PITPNB: variants seen among roughly 807,000 people sequenced by gnomAD.
The protein encoded by PITPNB is phosphatidylinositol transfer protein beta isoform.
PITPNB carries 16 observed loss-of-function variants against 45.9 expected under a neutral mutation model. The ratio of observed to expected loss-of-function variants is 0.35; its 90% confidence interval spans 0.24 to 0.53. The LOEUF is 0.53. PITPNB is among the 20% of genes least tolerant of loss of function. PITPNB has a pLI of 0.93. For synonymous variants in PITPNB, 112 were observed against 108.9 expected, an observed-to-expected ratio of 1.03 and a Z score of -0.18; for missense variants, 188 against 330.5, an observed-to-expected ratio of 0.57 and a Z score of 3.34.
chr22:27,860,332 A>T, intron 8 of PITPNB, 91 bp from the exon 9 acceptor site: 1 of 700,334 alleles, frequency 1.4e-6, no homozygotes, highest in South Asian at 2.0e-5. Context: ...TCATAGACAT[A>T]CATGAAGAAA....
intron 8 of PITPNB, among the ~76,000 whole-genome samples, chr22:27,872,972 T>C (rs1934711254): frequency 6.6e-6 from 1 of 152,192 alleles, no homozygotes; most frequent in Non-Finnish European, 1.5e-5. Flanking sequence ...GCACTTTATT[T>C]AAAAACAACT....
At chr22:27,860,768 A>G (rs1934303862) in intron 8 of PITPNB, among the ~76,000 whole-genome samples, 1 of 152,250 alleles carries the variant, frequency 6.6e-6, no homozygotes, top group African/African-American at 2.4e-5. Flanking sequence ...AAATATTTGG[A>G]GGTAAATCCT....
At chr22:27,897,262 TTTAG>T (rs1935462764) in intron 4 of PITPNB, 125 bp from the exon 5 acceptor site, 1 of 760,070 alleles carries the variant, frequency 1.3e-6, no homozygotes, top group Non-Finnish European at 2.4e-6. Context: ...AGAACATTTA[TTTAG>T]TAATTTATGT....
At chr22:27,861,046 AAAG>A (rs1015993213) in intron 8 of PITPNB, among the ~76,000 whole-genome samples, 1 of 149,222 alleles carries the variant, frequency 6.7e-6, no homozygotes, top group African/African-American at 2.5e-5. Context: ...AAAAAAAAAA[AAAG>A]GCTGGGCACA....
At chr22:27,881,059 A>T (rs1376251202) in intron 7 of PITPNB, among the ~76,000 whole-genome samples, 1 of 152,234 alleles carries the variant, frequency 6.6e-6, no homozygotes, top group Non-Finnish European at 1.5e-5. Context: ...AAATGATCTG[A>T]AAGTGTGTGA....
chr22:27,899,806 A>T (rs1192384549), intron 3 of PITPNB, among the ~76,000 whole-genome samples: 1 of 152,230 alleles, frequency 6.6e-6, no homozygotes, highest in Non-Finnish European at 1.5e-5. Context: ...TCAGGGTACA[A>T]TGGAACACAT....
chr22:27,901,870 G>A (rs1333101551), intron 3 of PITPNB, among the ~76,000 whole-genome samples: 1 of 151,992 alleles, frequency 6.6e-6, no homozygotes, highest in Non-Finnish European at 1.5e-5. Context: ...GGGACACAGT[G>A]AGACTGTGTC....
intron 8 of PITPNB, among the ~76,000 whole-genome samples, chr22:27,862,008 G>T (rs1395419726): frequency 6.6e-6 from 1 of 152,080 alleles, no homozygotes; most frequent in African/African-American, 2.4e-5. Context: ...TGAGTCAAAG[G>T]CCAAAGCTGC....
chr22:27,868,026 G>A (rs1934534824), intron 8 of PITPNB, among the ~76,000 whole-genome samples: 1 of 152,010 alleles, frequency 6.6e-6, no homozygotes, highest in African/African-American at 2.4e-5. Context: ...CATGCTTGAA[G>A]GTCTGCTTTA....
At chr22:27,904,885 T>C (rs1935711752) in intron 3 of PITPNB, among the ~76,000 whole-genome samples, 1 of 151,884 alleles carries the variant, frequency 6.6e-6, no homozygotes, top group Non-Finnish European at 1.5e-5. Flanking sequence ...TCCTGGAGAA[T>C]TACAAAAAAC....
chr22:27,884,235 A>G (rs1394153557), intron 7 of PITPNB, among the ~76,000 whole-genome samples: 2 of 152,228 alleles, frequency 1.3e-5, no homozygotes, highest in Non-Finnish European at 2.9e-5. Context: ...GGACATCTGC[A>G]AATGAGGAAA....
At position 27,852,825 on chromosome 22, in the gene PITPNB, T is replaced by C. The variant is rs1338994596; in HGVS notation, c.*877A>G. On this transcript the variant is annotated 3_prime_UTR_variant, in exon 12 of 12. Coordinates refer to ENST00000335272, the MANE Select transcript of PITPNB (RefSeq NM_012399.5). ...CTATTAAGACTAATTTCTTCATCAA[T>C]GTGTTTGTCTAACAGGAGCCTGAAA... The C allele has an allele frequency of 2.6e-5, 4 of 152,684 alleles. No individual in the cohort carries two copies. Among genetic ancestry groups the C allele is most frequent in the Non-Finnish European group, 5.9e-5 (4 of 68,046 alleles). The allele number at this position is 152,684 out of a possible 1,614,324, so 9.5% of individuals were successfully genotyped here.
intron 3 of PITPNB, among the ~76,000 whole-genome samples, chr22:27,909,863 T>C (rs957140348): frequency 3.3e-5 from 5 of 151,966 alleles, no homozygotes; most frequent in African/African-American, 9.7e-5. Context: ...CACTGCAACC[T>C]CTAACTCCTG....
At chr22:27,908,148 C>CCTA (rs1935817860) in intron 3 of PITPNB, among the ~76,000 whole-genome samples, 1 of 151,686 alleles carries the variant, frequency 6.6e-6, no homozygotes, top group South Asian at 2.1e-4. Flanking sequence ...TGGAGTGTTA[C>CCTA]CTAAATCAAC....
chr22:27,918,981 G>C, intron 1 of PITPNB, 191 bp downstream of exon 1: 2 of 804,016 alleles, frequency 2.5e-6, no homozygotes, highest in Non-Finnish European at 4.2e-6. Context: ...GTGTTACCAC[G>C]GCAATGCCTG....
At chr22:27,906,989 T>TTATA (rs1281401979) in intron 3 of PITPNB, among the ~76,000 whole-genome samples, 2 of 152,252 alleles carry the variant, frequency 1.3e-5, no homozygotes, top group South Asian at 2.1e-4. Flanking sequence ...GAGACTTGAG[T>TTATA]TATACTGGCT....
intron 7 of PITPNB, among the ~76,000 whole-genome samples, chr22:27,877,102 A>AT: frequency 6.6e-6 from 1 of 152,238 alleles, no homozygotes; most frequent in East Asian, 1.9e-4. Flanking sequence ...AAGGAAATGC[A>AT]TTTTTAAAAT....
chr22:27,893,767 T>C (rs1935358326), intron 7 of PITPNB, among the ~76,000 whole-genome samples: 1 of 151,996 alleles, frequency 6.6e-6, no homozygotes, highest in Non-Finnish European at 1.5e-5. Flanking sequence ...ATCGTTTTTT[T>C]CTTTTTAGAG....
At chr22:27,913,370 C>G (rs755602184) in intron 2 of PITPNB, among the ~76,000 whole-genome samples, 12 of 152,224 alleles carry the variant, frequency 7.9e-5, no homozygotes, top group Non-Finnish European at 1.5e-4. Context: ...GTCACTGCTT[C>G]TAATCTACTG....
Sources: gnomAD v4.1 joint callset for allele counts (sites outside exome capture counted in the v4.1 genomes callset) on GRCh38, gnomAD v4.1.1 for gene constraint, MANE v1.5 for transcripts, NCBI Gene and HGNC (gene_info 2026-07-23, HGNC 2026-07-21) for gene names.